Variants in NCOR1 observed in about 807,000 individuals in gnomAD.
NCOR1 encodes protein phosphatase 1, regulatory subunit 109.
Under a neutral mutation model 288.1 loss-of-function variants are expected in NCOR1, and 63 were observed. The observed-to-expected ratio is 0.22, with a 90% CI of 0.18 to 0.27. The LOEUF (loss-of-function observed/expected upper bound fraction) is 0.27, where lower values mean the gene tolerates loss of function less well. Among genes scored for constraint, NCOR1 ranks in the 10% least tolerant of loss-of-function variants. The probability of loss-of-function intolerance (pLI) is 1.00; values close to 1 mark genes in which losing one functional copy is unlikely to be tolerated. For missense variants in NCOR1, 2,397 were observed against 3,019.2 expected (o/e 0.79, Z 4.83); for synonymous variants, 1,007 against 1,065.9 (o/e 0.94, Z 1.08).
intron 7 of NCOR1, 38 bp from the exon 8 acceptor site, chr17:16,152,036 T>A: frequency 7.3e-7 from 1 of 1,365,140 alleles, no homozygotes; most frequent in Non-Finnish European, 1.0e-6. Flanking sequence ...TAAAATGTTG[T>A]ACATATGTCT....
intron 35 of NCOR1, among the ~76,000 whole-genome samples, chr17:16,063,629 A>T (rs1175891250): frequency 1.3e-5 from 2 of 152,164 alleles, no homozygotes. Flanking sequence ...ACTCGTGTAA[A>T]TGTCCCTCTG....
At chr17:16,113,104 A>C (rs2070682862) in intron 18 of NCOR1, among the ~76,000 whole-genome samples, 1 of 151,450 alleles carries the variant, frequency 6.6e-6, no homozygotes, top group Non-Finnish European at 1.5e-5. Flanking sequence ...TTTAGTAGAG[A>C]CGGGGTTTCA....
intron 19 of NCOR1, among the ~76,000 whole-genome samples, chr17:16,102,385 C>T (rs762321948): frequency 4.0e-4 from 61 of 151,996 alleles, no homozygotes; most frequent in South Asian, 8.3e-4. Context: ...TGGGTTCAAG[C>T]GATTCTCCTG....
intron 12 of NCOR1, among the ~76,000 whole-genome samples, chr17:16,138,549 G>T (rs1402415031): frequency 6.6e-6 from 1 of 152,110 alleles, no homozygotes; most frequent in Non-Finnish European, 1.5e-5. Context: ...CACAACACTG[G>T]ACTCCAGCTT....
rs1281993463 is a variant in NCOR1 at position 16,029,362 on chromosome 17, A to C, written c.*2934T>G. On this transcript the variant is annotated 3_prime_UTR_variant, in exon 46 of 46. Coordinates refer to ENST00000268712, the MANE Select transcript of NCOR1 (RefSeq NM_006311.4). ...CTTTACTGATTGGTCTAAATTCAAAAGTGAATTGGTTAAAATCGTGTCATT... is the reference window on the plus strand; with the variant it reads ...CTTTACTGATTGGTCTAAATTCAAACGTGAATTGGTTAAAATCGTGTCATT... 1 of 378,268 alleles carries C rather than the reference A, an allele frequency of 2.6e-6. No individual in the cohort carries two copies. The highest frequency in any genetic ancestry group is 5.2e-6 in the Non-Finnish European group (1 of 191,684). The allele number at this position is 378,268 out of a possible 1,614,324, so 23.4% of individuals were successfully genotyped here.
chr17:16,181,544 A>G (rs1027261680), intron 3 of NCOR1, among the ~76,000 whole-genome samples: 8 of 152,148 alleles, frequency 5.3e-5, no homozygotes, highest in Admixed American at 3.3e-4. Context: ...TAACATGAGG[A>G]CTAAAGTTAA....
At position 16,059,010 on chromosome 17, in the gene NCOR1, T is replaced by C. The variant is rs989248787; in HGVS notation, c.5882-411A>G. Among the ~76,000 whole-genome samples, 9 of 139,644 alleles carry C rather than the reference T, an allele frequency of 6.4e-5. No individual in the cohort carries two copies. In the East Asian group the frequency reaches 1.6e-3, roughly 25 times the overall value. 91.6% of individuals were successfully genotyped at this position (139,644 alleles called of 152,430 possible). On this transcript the variant is annotated intron_variant, in intron 37 of 45. Coordinates refer to ENST00000268712, the MANE Select transcript of NCOR1 (RefSeq NM_006311.4). The stretch of plus-strand genomic sequence containing the variant: ...GTTGTGGTGAGCTGAGATTGTGTCA[T>C]TGCACTCCATTCTGGGCAACAAGAG...
Position 16,070,417 on chromosome 17 carries a change from C to G in NCOR1, c.4261G>C (p.Glu1421Gln). ...SKLSRGMPPLEIVPENIKVVE... is the reference protein window; with the variant it reads ...SKLSRGMPPLQIVPENIKVVE... The stretch of plus-strand genomic sequence containing the variant: ...ACTTTTATGTTCTCTGGCACAATTT[C>G]CAGCGGAGGCATTCCACGGGATAGT... The change falls in exon 31 of 46, where the codon GAA becomes CAA. Residue 1421 changes from glutamate (E) to glutamine (Q), a missense_variant. By Grantham distance (29) the Glu-to-Gln change is conservative. Transcript: ENST00000268712. 1 of 1,614,194 alleles carries G rather than the reference C, an allele frequency of 6.2e-7. No homozygotes were observed.
chr17:16,143,705 G>C lies in NCOR1; in HGVS notation c.1083-9C>G, dbSNP rs777471650. On this transcript the variant is annotated splice_polypyrimidine_tract_variant and intron_variant, in intron 10 of 45. Transcript: ENST00000268712. ...CTCCCCTCTGCCCAACTCTAAACATGAGGGAGAAATTAAAAATATATTTAA... is the reference window on the plus strand; with the variant it reads ...CTCCCCTCTGCCCAACTCTAAACATCAGGGAGAAATTAAAAATATATTTAA... The C allele has an allele frequency of 3.1e-6, 5 of 1,597,968 alleles. No individual in the cohort carries two copies. Among genetic ancestry groups the C allele is most frequent in the Non-Finnish European group, 1.7e-6 (2 of 1,168,190 alleles).
chr17:16,092,673 A>T (rs1567957864), intron 21 of NCOR1, among the ~76,000 whole-genome samples: 1 of 16,324 alleles, frequency 6.1e-5, no homozygotes, highest in Non-Finnish European at 1.1e-4. Flanking sequence ...ATATATATAT[A>T]TATATATATA....
chr17:16,184,148 A>C (rs528353509), intron 3 of NCOR1, among the ~76,000 whole-genome samples: 1 of 152,348 alleles, frequency 6.6e-6, no homozygotes, highest in South Asian at 2.1e-4. Flanking sequence ...CGTAGGGAGA[A>C]AAGCTCTGGG....
chr17:16,153,138 C>T (rs565569317), intron 7 of NCOR1, among the ~76,000 whole-genome samples: 13 of 152,260 alleles, frequency 8.5e-5, no homozygotes, highest in African/African-American at 2.9e-4. Flanking sequence ...CAAAAACAAG[C>T]TCAGGGTGAT....
At chr17:16,153,720 GGAGA>G (rs1462570063) in intron 6 of NCOR1, among the ~76,000 whole-genome samples, 1 of 152,062 alleles carries the variant, frequency 6.6e-6, no homozygotes, top group East Asian at 1.9e-4. Flanking sequence ...TTAAAAAACT[GGAGA>G]GAGGGAATGA....
At chr17:16,096,135 C>T (rs936157267) in intron 21 of NCOR1, among the ~76,000 whole-genome samples, 1 of 152,044 alleles carries the variant, frequency 6.6e-6, no homozygotes, top group Non-Finnish European at 1.5e-5. Flanking sequence ...GCAGCATACT[C>T]GTTGAGAGTC....
At chr17:16,105,237 A>G (rs558677284) in intron 19 of NCOR1, among the ~76,000 whole-genome samples, 39 of 152,186 alleles carry the variant, frequency 2.6e-4, no homozygotes, top group African/African-American at 8.4e-4. Flanking sequence ...AACAGAATGG[A>G]CCTTGTCTCT....
chr17:16,168,813 A>C (rs2082545631), intron 4 of NCOR1, among the ~76,000 whole-genome samples: 1 of 152,034 alleles, frequency 6.6e-6, no homozygotes, highest in South Asian at 2.1e-4. Flanking sequence ...TCCACTAAAA[A>C]TACAAAAATT....
chr17:16,127,591 A>G (rs113032854), intron 14 of NCOR1, among the ~76,000 whole-genome samples: 6 of 144,560 alleles, frequency 4.2e-5, no homozygotes, highest in African/African-American at 1.0e-4. Flanking sequence ...ATGTGTATAT[A>G]TGTATGTATA....
At chr17:16,117,762 C>T in intron 18 of NCOR1, 126 bp downstream of exon 18, 2 of 995,722 alleles carry the variant, frequency 2.0e-6, no homozygotes, top group Non-Finnish European at 2.8e-6. Flanking sequence ...GAAGAGTTTG[C>T]AGTGAGCCAA....
intron 40 of NCOR1, among the ~76,000 whole-genome samples, chr17:16,050,813 G>A (rs2059222099): frequency 6.6e-6 from 1 of 151,686 alleles, no homozygotes. Context: ...TGCCTTCTCT[G>A]TTGTTGCCCA....
Sources: allele counts gnomAD v4.1 joint callset (sites outside exome capture counted in the v4.1 genomes callset), GRCh38; gene constraint gnomAD v4.1.1; transcripts MANE v1.5; gene names NCBI Gene and HGNC (gene_info 2026-07-23, HGNC 2026-07-21).